PRDM15: variants seen among roughly 807,000 people sequenced by gnomAD.
The protein encoded by PRDM15 is PR/SET domain 15.
Under a neutral mutation model 128.6 loss-of-function variants are expected in PRDM15, and 64 were observed. The ratio of observed to expected loss-of-function variants is 0.50; its 90% CI spans 0.41 to 0.61. PRDM15 has a LOEUF of 0.61. PRDM15 is among the 20% of genes least tolerant of loss of function. PRDM15 has a pLI of 0.00. For synonymous variants in PRDM15, 615 were observed against 621.8 expected (o/e 0.99, Z 0.16); for missense variants, 1,242 against 1,569.1 (o/e 0.79, Z 3.52).
chr21:41,868,693 T>A (rs1443191944), intron 1 of PRDM15, among the ~76,000 whole-genome samples: 1 of 102,620 alleles, frequency 9.7e-6, no homozygotes, highest in Non-Finnish European at 2.1e-5. Flanking sequence ...TTTTTCTTTT[T>A]CTTTTTTTTT....
At chr21:41,809,728 T>C (rs2061799309) in intron 21 of PRDM15, among the ~76,000 whole-genome samples, 1 of 152,170 alleles carries the variant, frequency 6.6e-6, no homozygotes, top group African/African-American at 2.4e-5. Flanking sequence ...ATCCTGGCCC[T>C]TCCTGTGGAG....
rs754120264 is a variant in PRDM15 at position 41,815,854 on chromosome 21, G to A, written c.2261-18C>T. On this transcript the variant is annotated intron_variant, in intron 18 of 23. Transcript: ENST00000398548. The stretch of plus-strand genomic sequence containing the variant: ...CTTCATGCCTTCAAGGACACAGCGA[G>A]TCAGAGGCGGCCACACCCCCACGCA... The A allele has an allele frequency of 6.2e-7, 1 of 1,611,094 alleles. No homozygotes were observed. The highest frequency in any genetic ancestry group is 8.5e-7 in the Non-Finnish European group (1 of 1,179,682).
intron 1 of PRDM15, among the ~76,000 whole-genome samples, chr21:41,875,897 T>C (rs1182259828): frequency 2.0e-5 from 3 of 152,200 alleles, no homozygotes; most frequent in Non-Finnish European, 4.4e-5. Context: ...TGGGATTTTG[T>C]AGTTGTGCAA....
At chr21:41,818,599 A>C (rs530328784) in intron 18 of PRDM15, among the ~76,000 whole-genome samples, 1 of 152,290 alleles carries the variant, frequency 6.6e-6, no homozygotes, top group African/African-American at 2.4e-5. Flanking sequence ...TTCTGCAGGC[A>C]GTTCTTTTAG....
chr21:41,865,176 ACTC>A (rs1334057815), intron 1 of PRDM15, among the ~76,000 whole-genome samples: 1 of 135,196 alleles, frequency 7.4e-6, no homozygotes, highest in Non-Finnish European at 1.6e-5. Context: ...TCCCCTGCTC[ACTC>A]CTCACTCCCC....
intron 1 of PRDM15, among the ~76,000 whole-genome samples, chr21:41,868,291 G>A (rs752776976): frequency 1.3e-5 from 2 of 152,288 alleles, no homozygotes; most frequent in Non-Finnish European, 2.9e-5. Context: ...AAGCTGTTAG[G>A]AGCAATCGTG....
At chr21:41,830,470 C>A (rs1294208922) in intron 11 of PRDM15, among the ~76,000 whole-genome samples, 1 of 151,042 alleles carries the variant, frequency 6.6e-6, no homozygotes, top group East Asian at 1.9e-4. Flanking sequence ...ACACATACAC[C>A]ACACACACAC....
chr21:41,816,377 A>G (rs117204167), intron 18 of PRDM15, among the ~76,000 whole-genome samples: 74 of 152,322 alleles, frequency 4.9e-4, no homozygotes, highest in Non-Finnish European at 8.8e-4. Context: ...TGGCAGGGAC[A>G]GCACTGTACA....
Position 41,828,221 on chromosome 21 carries a change from G to C in PRDM15, c.1479C>G (p.Ser493Arg). 6.2e-7 allele frequency: 1 copy of C among 1,614,066 alleles called. No homozygotes were observed. Among genetic ancestry groups the C allele is most frequent in the South Asian group, 1.1e-5 (1 of 91,080 alleles). Residue 493 changes from serine (S) to arginine (R), a missense_variant, in exon 12 of 24, where the codon AGC (serine) becomes AGG (arginine). Coordinates refer to ENST00000398548, the MANE Select transcript of PRDM15 (RefSeq NM_001040424.3). This position sits in a 1 kb window ranked among gnomAD's most constrained non-coding sequence, Gnocchi z 5.7. ...GDKKFACEVCSKMFYRKDVML... is the reference protein window; with the variant it reads ...GDKKFACEVCRKMFYRKDVML... ...TGACGTCCTTGCGGTAGAACATCTT[G>C]CTGCAGACCTCACAGGCAAACTTCT...
At chr21:41,876,939 C>T (rs2064440034) in intron 1 of PRDM15, among the ~76,000 whole-genome samples, 2 of 152,216 alleles carry the variant, frequency 1.3e-5, no homozygotes, top group African/African-American at 4.8e-5. Flanking sequence ...GACTCTGCCC[C>T]GCCACTGCTC....
chr21:41,873,639 T>C (rs1209941856), intron 1 of PRDM15, among the ~76,000 whole-genome samples: 2 of 152,212 alleles, frequency 1.3e-5, no homozygotes, highest in Admixed American at 6.5e-5. Flanking sequence ...TGATTTCTTC[T>C]CCGTTCTCAC....
intron 4 of PRDM15, among the ~76,000 whole-genome samples, chr21:41,855,128 T>G (rs2063541337): frequency 6.6e-6 from 1 of 152,172 alleles, no homozygotes; most frequent in South Asian, 2.1e-4. Flanking sequence ...AATCAGGTTC[T>G]AGTGGGCATG....
intron 21 of PRDM15, among the ~76,000 whole-genome samples, chr21:41,806,435 ACCACCATCACCACCAC>A (rs1270185565): frequency 1.0e-5 from 1 of 96,660 alleles, no homozygotes; most frequent in Non-Finnish European, 2.2e-5. Flanking sequence ...CATCACCACC[ACCACCATCACCACCAC>A]CCATCACCAT....
chr21:41,869,210 A>G lies in PRDM15; in HGVS notation c.-9-8838T>C, dbSNP rs114425559. On this transcript the variant is annotated intron_variant, in intron 1 of 23. Coordinates refer to ENST00000398548, the MANE Select transcript of PRDM15 (RefSeq NM_001040424.3). The stretch of plus-strand genomic sequence containing the variant: ...AATGGATGGACCTTCCCTTTCACAG[A>G]CTATGCTTGTGATTACCACATCTAA... Among the ~76,000 whole-genome samples, 294 of 152,224 alleles carry G rather than the reference A, an allele frequency of 1.9e-3. 3 individuals carry two copies. Among genetic ancestry groups the G allele is most frequent in the African/African-American group, 6.5e-3 (269 of 41,524 alleles).
In PRDM15 at chr21:41,871,584, A is replaced by G. The variant is rs1377131417; in HGVS notation, c.-10+7686T>C. 4 of 1,612,104 alleles carry G rather than the reference A, an allele frequency of 2.5e-6. No individual in the cohort carries two copies. In the African/African-American group the frequency reaches 5.3e-5, roughly 22 times the overall value. Reference sequence around the variant, plus strand: ...ACCTCATTCCCTAGAGATGTTTCCAAGAGCTGCTCACTGACCCTCTGGTTC... The same window carrying G: ...ACCTCATTCCCTAGAGATGTTTCCAGGAGCTGCTCACTGACCCTCTGGTTC... On this transcript the variant is annotated intron_variant, in intron 1 of 23. Transcript: ENST00000398548.
At chr21:41,866,417 C>A (rs8129811) in intron 1 of PRDM15, among the ~76,000 whole-genome samples, 3 of 151,918 alleles carry the variant, frequency 2.0e-5, no homozygotes, top group Non-Finnish European at 4.4e-5. Context: ...TGCCATCCCC[C>A]GTCCATGACA....
At chr21:41,849,960 A>G (rs993673029) in intron 5 of PRDM15, among the ~76,000 whole-genome samples, 2 of 152,256 alleles carry the variant, frequency 1.3e-5, no homozygotes, top group African/African-American at 4.8e-5. Flanking sequence ...AAATTAAAAT[A>G]AAAAATACTA....
intron 5 of PRDM15, among the ~76,000 whole-genome samples, chr21:41,851,445 G>A (rs905954607): frequency 2.6e-5 from 4 of 152,336 alleles, no homozygotes; most frequent in Non-Finnish European, 2.9e-5. Context: ...TGCATTGGGC[G>A]GGCAGGGCTC....
intron 21 of PRDM15, among the ~76,000 whole-genome samples, chr21:41,809,874 G>T (rs566276031): frequency 1.3e-5 from 2 of 152,188 alleles, no homozygotes; most frequent in African/African-American, 4.8e-5. Flanking sequence ...TGGGAAGAAT[G>T]GGGGGAGTGG....
Sources: allele counts gnomAD v4.1 joint callset (sites outside exome capture counted in the v4.1 genomes callset), GRCh38; gene constraint gnomAD v4.1.1; non-coding constraint Gnocchi (gnomAD v3.1); transcripts MANE v1.5; gene names NCBI Gene and HGNC (gene_info 2026-07-23, HGNC 2026-07-21).